UBE2R2: variants seen among roughly 807,000 people sequenced by gnomAD.
UBE2R2 encodes the protein ubiquitin-conjugating enzyme E2 R2.
UBE2R2 carries 1 observed loss-of-function variant against 27.8 expected under a neutral mutation model. The observed-to-expected ratio is 0.04, with a 90% CI of 0.01 to 0.17. UBE2R2 has a LOEUF of 0.17. UBE2R2 is among the 10% of genes least tolerant of loss of function. UBE2R2 has a pLI of 1.00. For synonymous variants in UBE2R2, 106 were observed against 113.3 expected (o/e 0.94, Z 0.41); for missense variants, 100 against 291.0 (o/e 0.34, Z 4.78).
intron 1 of UBE2R2, among the ~76,000 whole-genome samples, chr9:33,829,663 T>A (rs1820401461): frequency 6.6e-6 from 1 of 152,178 alleles, no homozygotes. Context: ...TGCCTTGATA[T>A]TTTCCAAGTA....
intron 1 of UBE2R2, among the ~76,000 whole-genome samples, chr9:33,822,639 G>T (rs1820174080): frequency 6.6e-6 from 1 of 151,678 alleles, no homozygotes; most frequent in East Asian, 1.9e-4. Context: ...AGGCCAGGCT[G>T]GTCTCGAACT....
chr9:33,895,751 T>C (rs1037779932), intron 2 of UBE2R2, among the ~76,000 whole-genome samples: 15 of 151,244 alleles, frequency 9.9e-5, no homozygotes, highest in African/African-American at 3.6e-4. Context: ...ATGACTAGAT[T>C]TATTCTCTCT....
At chr9:33,915,680 A>G (rs1266854641) in intron 4 of UBE2R2, among the ~76,000 whole-genome samples, 1 of 152,170 alleles carries the variant, frequency 6.6e-6, no homozygotes, top group East Asian at 1.9e-4. Flanking sequence ...TTTATTGCAC[A>G]CCTCTTATGT....
At chr9:33,906,764 C>T (rs1301941075) in intron 3 of UBE2R2, among the ~76,000 whole-genome samples, 1 of 152,178 alleles carries the variant, frequency 6.6e-6, no homozygotes, top group African/African-American at 2.4e-5. Flanking sequence ...AGGCCAGGCG[C>T]AGTGGCTCAT....
intron 3 of UBE2R2, among the ~76,000 whole-genome samples, chr9:33,906,227 A>G (rs1822353762): frequency 6.6e-6 from 1 of 152,064 alleles, no homozygotes. Flanking sequence ...GGTTCAAGCA[A>G]TTCTCCTGCC....
chr9:33,869,508 G>A (rs1434650602), intron 1 of UBE2R2, among the ~76,000 whole-genome samples: 1 of 151,504 alleles, frequency 6.6e-6, no homozygotes, highest in Non-Finnish European at 1.5e-5. Flanking sequence ...GTGTAATGGT[G>A]CAGTCTCAGC....
chr9:33,872,120 C>CTCTTTAATTAAAGACTATTTT (rs1821498596), intron 1 of UBE2R2, among the ~76,000 whole-genome samples: 1 of 151,596 alleles, frequency 6.6e-6, no homozygotes, highest in Non-Finnish European at 1.5e-5. Context: ...GGCATGGTGG[C>CTCTTTAATTAAAGACTATTTT]TCAAGCTGGG....
chr9:33,827,240 G>A (rs1820334409), intron 1 of UBE2R2, among the ~76,000 whole-genome samples: 1 of 152,146 alleles, frequency 6.6e-6, no homozygotes, highest in Non-Finnish European at 1.5e-5. Context: ...GAGGTGGGAG[G>A]ATCACTTGAG....
chr9:33,829,971 A>C (rs1313680963), intron 1 of UBE2R2, among the ~76,000 whole-genome samples: 1 of 150,244 alleles, frequency 6.7e-6, no homozygotes, highest in African/African-American at 2.5e-5. Flanking sequence ...CTAATTTTGT[A>C]CTTTTAGTAG....
intron 3 of UBE2R2, among the ~76,000 whole-genome samples, chr9:33,905,097 T>C (rs139576626): frequency 6.6e-6 from 1 of 152,306 alleles, no homozygotes; most frequent in East Asian, 1.9e-4. Flanking sequence ...CCAGAACTAC[T>C]ATCTGCTATA....
chr9:33,914,570 C>T lies in UBE2R2; in HGVS notation c.498-2448C>T, dbSNP rs150985827. 8.3e-3 allele frequency among the ~76,000 whole-genome samples: 1,268 copies of T among 152,216 alleles called. 15 individuals are homozygous for T. Among genetic ancestry groups the T allele is most frequent in the African/African-American group, 0.028 (1,165 of 41,536 alleles). ...GAATTGGCTGCCTGGTGTGGTAGCT[C>T]ACACCTGTAATCCCAACATTTTGAG... On this transcript the variant is annotated intron_variant, in intron 4 of 4. Coordinates refer to ENST00000263228, the MANE Select transcript of UBE2R2 (RefSeq NM_017811.4).
intron 1 of UBE2R2, among the ~76,000 whole-genome samples, chr9:33,861,979 A>G (rs527336242): frequency 6.7e-6 from 1 of 148,974 alleles, no homozygotes; most frequent in Non-Finnish European, 1.5e-5. Context: ...TCAGCCTCCC[A>G]TGTAGCTGGG....
chr9:33,832,291 A>C (rs1820506716), intron 1 of UBE2R2, among the ~76,000 whole-genome samples: 1 of 145,916 alleles, frequency 6.9e-6, no homozygotes, highest in Non-Finnish European at 1.5e-5. Flanking sequence ...CTGGGCAACA[A>C]GAGCGAAAAT....
At chr9:33,845,924 C>T (rs1291068173) in intron 1 of UBE2R2, among the ~76,000 whole-genome samples, 1 of 151,836 alleles carries the variant, frequency 6.6e-6, no homozygotes, top group Non-Finnish European at 1.5e-5. Flanking sequence ...GGGCGGATCA[C>T]GAGGTCAGGA....
At chr9:33,916,030 G>T (rs973366246) in intron 4 of UBE2R2, among the ~76,000 whole-genome samples, 10 of 152,128 alleles carry the variant, frequency 6.6e-5, no homozygotes, top group African/African-American at 2.4e-4. Context: ...ATGTGTTGAA[G>T]GGCTGGAGAA....
chr9:33,904,446 T>C (rs1209672927), intron 3 of UBE2R2, among the ~76,000 whole-genome samples: 5 of 152,230 alleles, frequency 3.3e-5, no homozygotes. Flanking sequence ...CACTGGCATC[T>C]GAAAGTGATT....
intron 1 of UBE2R2, among the ~76,000 whole-genome samples, chr9:33,826,349 A>G (rs1820314887): frequency 6.6e-6 from 1 of 152,156 alleles, no homozygotes; most frequent in African/African-American, 2.4e-5. Flanking sequence ...GTTTGATGTT[A>G]CTTAAATGAT....
chr9:33,856,888 C>CTTT (rs140169417), intron 1 of UBE2R2, among the ~76,000 whole-genome samples: 4 of 82,324 alleles, frequency 4.9e-5, no homozygotes, highest in African/African-American at 9.0e-5. Flanking sequence ...CTTCCTTTCA[C>CTTT]TTTTTTTTTT....
intron 1 of UBE2R2, among the ~76,000 whole-genome samples, chr9:33,832,223 G>A (rs936810474): frequency 6.0e-5 from 9 of 150,922 alleles, no homozygotes; most frequent in Non-Finnish European, 1.0e-4. Context: ...CAGGAGAATC[G>A]CTTGAACCCG....
Sources: gnomAD v4.1 joint callset for allele counts (sites outside exome capture counted in the v4.1 genomes callset) on GRCh38, gnomAD v4.1.1 for gene constraint, MANE v1.5 for transcripts, NCBI Gene and HGNC (gene_info 2026-07-23, HGNC 2026-07-21) for gene names.